ANKS1B: variants seen among roughly 807,000 people sequenced by gnomAD.
ANKS1B encodes ankyrin repeat and sterile alpha motif domain containing 1B.
ANKS1B carries 36 observed loss-of-function variants against 148.3 expected under a neutral mutation model. The observed-to-expected ratio is 0.24, with a 90% CI of 0.19 to 0.32. The LOEUF (loss-of-function observed/expected upper bound fraction) is 0.32. ANKS1B is among the 10% of genes least tolerant of loss of function. The probability of loss-of-function intolerance (pLI) is 1.00; values close to 1 mark genes in which losing one functional copy is unlikely to be tolerated. For missense variants in ANKS1B, 1,157 were observed against 1,542.6 expected, an observed-to-expected ratio of 0.75 and a Z score of 4.19; for synonymous variants, 542 against 560.8, an observed-to-expected ratio of 0.97 and a Z score of 0.47.
At chr12:99,487,617 G>A (rs1335007424) in intron 10 of ANKS1B, among the ~76,000 whole-genome samples, 3 of 143,490 alleles carry the variant, frequency 2.1e-5, no homozygotes, top group Admixed American at 1.3e-4. Context: ...ATTCAATATG[G>A]GGGGGGGACA....
intron 11 of ANKS1B, among the ~76,000 whole-genome samples, chr12:99,416,971 G>A (rs1267723238): frequency 6.6e-6 from 1 of 152,142 alleles, no homozygotes; most frequent in South Asian, 2.1e-4. Flanking sequence ...CGAGGTTACT[G>A]GCATGCAGTC....
rs189035841 is a variant in ANKS1B, at chr12:99,488,437, G to A, written c.1438+16039C>T. 2.0e-5 allele frequency among the ~76,000 whole-genome samples: 3 copies of A among 152,170 alleles called. No homozygotes were observed. In the South Asian group the frequency reaches 6.2e-4, roughly 32 times the overall value. On this transcript the variant is annotated intron_variant, in intron 10 of 26. Coordinates refer to ENST00000683438, the MANE Select transcript of ANKS1B (RefSeq NM_001352186.2). The stretch of plus-strand genomic sequence containing the variant: ...TTTAGTCTTCATTATTGGTTTCGAA[G>A]ATATATTTTCCTAATTTTTAGTGGT...
At chr12:99,643,209 T>C (rs1026025434) in intron 9 of ANKS1B, among the ~76,000 whole-genome samples, 1 of 152,160 alleles carries the variant, frequency 6.6e-6, no homozygotes, top group Non-Finnish European at 1.5e-5. Context: ...CAACGTCCCA[T>C]AAATCTTAAC....
chr12:99,972,188 C>T (rs2095567414), intron 1 of ANKS1B, among the ~76,000 whole-genome samples: 1 of 152,122 alleles, frequency 6.6e-6, no homozygotes, highest in Admixed American at 6.6e-5. Flanking sequence ...AATGAATAAC[C>T]CTTCACTGAC....
chr12:99,314,264 G>C (rs1329575006), intron 12 of ANKS1B, among the ~76,000 whole-genome samples: 2 of 151,568 alleles, frequency 1.3e-5, no homozygotes, highest in African/African-American at 2.4e-5. Flanking sequence ...AAGGAAATAA[G>C]AGAGGACACA....
intron 12 of ANKS1B, among the ~76,000 whole-genome samples, chr12:99,362,132 C>T (rs1317093442): frequency 1.3e-5 from 2 of 151,998 alleles, no homozygotes; most frequent in Non-Finnish European, 2.9e-5. Flanking sequence ...AATGAGATAG[C>T]ATATTGCTAA....
At chr12:99,691,465 C>T (rs1480454657) in intron 8 of ANKS1B, among the ~76,000 whole-genome samples, 1 of 152,158 alleles carries the variant, frequency 6.6e-6, no homozygotes. Context: ...AAATTTCTTC[C>T]ATCAGATACC....
At chr12:99,893,135 G>A (rs551184105) in intron 1 of ANKS1B, among the ~76,000 whole-genome samples, 1 of 152,284 alleles carries the variant, frequency 6.6e-6, no homozygotes, top group South Asian at 2.1e-4. Flanking sequence ...TATAGGCCGG[G>A]TGCAGTGGCT....
intron 12 of ANKS1B, among the ~76,000 whole-genome samples, chr12:99,320,379 C>T (rs367988069): frequency 6.6e-6 from 1 of 152,290 alleles, no homozygotes; most frequent in South Asian, 2.1e-4. Flanking sequence ...TTTTTGGAGG[C>T]TTTGTTCATT....
intron 12 of ANKS1B, among the ~76,000 whole-genome samples, chr12:99,289,857 A>G (rs750192897): frequency 6.6e-6 from 1 of 151,998 alleles, no homozygotes; most frequent in Non-Finnish European, 1.5e-5. Flanking sequence ...TGCATTTTAA[A>G]GAACTAGAAA....
chr12:99,220,873 A>G (rs922263348), intron 14 of ANKS1B, among the ~76,000 whole-genome samples: 61 of 152,224 alleles, frequency 4.0e-4, no homozygotes, highest in African/African-American at 1.4e-3. Context: ...ATACAACAGT[A>G]AATTACATAG....
intron 17 of ANKS1B, among the ~76,000 whole-genome samples, chr12:98,837,623 G>GT (rs2099382349): frequency 6.6e-6 from 1 of 152,128 alleles, no homozygotes; most frequent in South Asian, 2.1e-4. Context: ...CGTCACTGCT[G>GT]TTTATGTTTC....
intron 12 of ANKS1B, among the ~76,000 whole-genome samples, chr12:99,374,982 C>T (rs571713094): frequency 9.9e-5 from 15 of 152,206 alleles, no homozygotes; most frequent in South Asian, 2.1e-4. Flanking sequence ...GTAATAATGA[C>T]GGCTACCTCC....
At chr12:98,928,794 A>G (rs1231488817) in intron 17 of ANKS1B, among the ~76,000 whole-genome samples, 3 of 151,988 alleles carry the variant, frequency 2.0e-5, no homozygotes, top group African/African-American at 7.2e-5. Context: ...AACTTCCTCA[A>G]TCTGATAAAG....
In ANKS1B at chr12:98,822,206, G is replaced by A. The variant is rs371033537; in HGVS notation, c.3066+6968C>T. On this transcript the variant is annotated intron_variant, in intron 19 of 26. Coordinates refer to ENST00000683438, the MANE Select transcript of ANKS1B (RefSeq NM_001352186.2). ...CTGATAAATTACTTTAGGCCTATAC[G>A]CACAGAATTAACCAAGACAGGGCCA... 8.0e-4 allele frequency among the ~76,000 whole-genome samples: 122 copies of A among 152,040 alleles called. No individual in the cohort carries two copies. The Middle Eastern group carries it at 0.02, about 25-fold the overall frequency.
chr12:99,373,333 T>C (rs1358059810), intron 12 of ANKS1B, among the ~76,000 whole-genome samples: 1 of 152,140 alleles, frequency 6.6e-6, no homozygotes, highest in Non-Finnish European at 1.5e-5. Flanking sequence ...TTCAAGATAA[T>C]TGGGAGAGGA....
At chr12:99,780,096 A>T in intron 5 of ANKS1B, 124 bp from the exon 6 acceptor site, 1 of 697,080 alleles carries the variant, frequency 1.4e-6, no homozygotes, top group Non-Finnish European at 2.4e-6. Flanking sequence ...ATTTTTAAAA[A>T]ATTAAGTTCT....
At chr12:99,083,645 A>G (rs1454621819) in intron 16 of ANKS1B, 2 of 152,202 alleles carry the variant, frequency 1.3e-5, no homozygotes, top group African/African-American at 4.8e-5. Context: ...CATAACATAA[A>G]ACTTACCATC....
At chr12:99,667,353 A>AAAAGAAAAGAAAAGAAAAGAAAAGAAAAG (rs374474811) in intron 8 of ANKS1B, among the ~76,000 whole-genome samples, 249 of 148,174 alleles carry the variant, frequency 1.7e-3, no homozygotes, top group African/African-American at 5.5e-3. Flanking sequence ...TGTCTCAAAA[A>AAAAGAAAAGAAAAGAAAAGAAAAGAAAAG]AAAAGAAAAG....
Sources: gnomAD v4.1 joint callset for allele counts (sites outside exome capture counted in the v4.1 genomes callset) on GRCh38, gnomAD v4.1.1 for gene constraint, MANE v1.5 for transcripts, NCBI Gene and HGNC (gene_info 2026-07-23, HGNC 2026-07-21) for gene names.